The following RAB21 variants were observed in gnomAD, a reference collection of about 807,000 sequenced individuals.
RAB21 encodes the protein ras-related protein Rab-21.
Under a neutral mutation model 33.1 loss-of-function variants are expected in RAB21, and 13 were observed. The ratio of observed to expected loss-of-function variants is 0.39; its 90% CI spans 0.26 to 0.62. The LOEUF (loss-of-function observed/expected upper bound fraction) is 0.62. RAB21 is among the 20% of genes least tolerant of loss of function. The pLI, the probability that RAB21 is intolerant of heterozygous loss-of-function variation, is 0.48. For missense variants in RAB21, 234 were observed against 279.1 expected (o/e 0.84, Z 1.15); for synonymous variants, 91 against 103.7 (o/e 0.88, Z 0.74).
chr12:71,763,101 G>GCACACACACACACA lies in RAB21; in HGVS notation c.160-6684_160-6671dup, dbSNP rs66460518. Among the ~76,000 whole-genome samples the GCACACACACACACA allele has an allele frequency of 8.2e-5, 12 of 145,582 alleles. No individual in the cohort carries two copies. In the East Asian group the frequency reaches 1.8e-3, roughly 22 times the overall value. ...ACTAGCAAGAATATTTATTTTGCAC[G>GCACACACACACACA]CACACACACACACACACACACACAC... is the stretch of plus-strand genomic sequence containing the variant. On this transcript the variant is annotated intron_variant, in intron 1 of 6. Transcript: ENST00000261263.
At chr12:71,775,061 A>G (rs556890436) in intron 4 of RAB21, among the ~76,000 whole-genome samples, 1 of 152,330 alleles carries the variant, frequency 6.6e-6, no homozygotes, top group South Asian at 2.1e-4. Flanking sequence ...TCATGATCCC[A>G]GGGTGGAGGA....
intron 1 of RAB21, among the ~76,000 whole-genome samples, chr12:71,763,875 A>G (rs1017494636): frequency 6.6e-6 from 1 of 152,140 alleles, no homozygotes; most frequent in Non-Finnish European, 1.5e-5. Flanking sequence ...TGGAAAAACC[A>G]TTGTGGAGTC....
At chr12:71,774,070 A>G (rs1008964031) in intron 4 of RAB21, 48 bp downstream of exon 4, 2 of 1,305,712 alleles carry the variant, frequency 1.5e-6, no homozygotes, top group Non-Finnish European at 2.1e-6. Flanking sequence ...TGTTTCCTTA[A>G]TGTTTTATTG....
intron 2 of RAB21, 124 bp from the exon 3 acceptor site, chr12:71,770,468 T>C (rs3741689): frequency 0.11 from 78,788 of 688,930 alleles, 6,484 homozygotes; most frequent in East Asian, 0.35. Flanking sequence ...TTTCTGTTAA[T>C]AGGGTTTTGT....
intron 4 of RAB21, among the ~76,000 whole-genome samples, chr12:71,781,755 C>CA (rs1268268404): frequency 6.6e-6 from 1 of 151,974 alleles, no homozygotes; most frequent in Non-Finnish European, 1.5e-5. Flanking sequence ...CCCCCAAAAT[C>CA]AAAAAAGAGT....
chr12:71,757,823 T>A (rs1334679428), intron 1 of RAB21, among the ~76,000 whole-genome samples: 1 of 152,210 alleles, frequency 6.6e-6, no homozygotes, highest in African/African-American at 2.4e-5. Flanking sequence ...TACTTTGTAT[T>A]TTATAAAGTA....
In RAB21 at chr12:71,791,450, T is replaced by C. The variant is rs908197970; in HGVS notation, c.*5777T>C. ...TAGTGTATAAAATCTAGGAGTTAAC[T>C]TTAGCAGATTCTTTTATCAGAATAC... On this transcript the variant is annotated 3_prime_UTR_variant, in exon 7 of 7. Transcript: ENST00000261263. The C allele has an allele frequency of 6.6e-6, 1 of 152,178 alleles. No homozygotes were observed. Among genetic ancestry groups the C allele is most frequent in the African/African-American group, 2.4e-5 (1 of 41,450 alleles). The allele number at this position is 152,178 out of a possible 1,614,324, so 9.4% of individuals were successfully genotyped here.
intron 1 of RAB21, among the ~76,000 whole-genome samples, chr12:71,764,494 A>G (rs1882929701): frequency 6.6e-6 from 1 of 152,022 alleles, no homozygotes; most frequent in Non-Finnish European, 1.5e-5. Context: ...TTTTTGGGGT[A>G]TAGGTGTTTT....
At position 71,769,755 on chromosome 12, in the gene RAB21, C is replaced by T. The variant is rs202059405; in HGVS notation, c.160-45C>T. 2,831 of 1,049,354 alleles carry T rather than the reference C, an allele frequency of 2.7e-3. 6 individuals carry two copies. Among genetic ancestry groups the T allele is most frequent in the Non-Finnish European group, 3.4e-3 (2,560 of 743,612 alleles). The allele number at this position is 1,049,354 out of a possible 1,614,324, so 65.0% of individuals were successfully genotyped here. On this transcript the variant is annotated intron_variant, in intron 1 of 6. Coordinates refer to ENST00000261263, the MANE Select transcript of RAB21 (RefSeq NM_014999.4). ...ATCTATAGTTGTTAGGATAAAGAAC[C>T]TTATTTTATAAGAAACATTGTTTAA...
At chr12:71,775,756 C>G (rs1258470459) in intron 4 of RAB21, among the ~76,000 whole-genome samples, 2 of 152,240 alleles carry the variant, frequency 1.3e-5, no homozygotes, top group East Asian at 1.9e-4. Flanking sequence ...AGGCTGTTCT[C>G]AAACTCCTGA....
rs1375206884 is a variant in RAB21, at chr12:71,795,476, C to T, written c.*9803C>T. On this transcript the variant is annotated 3_prime_UTR_variant, in exon 7 of 7. Coordinates refer to ENST00000261263, the MANE Select transcript of RAB21 (RefSeq NM_014999.4). ...GGAAGACTATGACTGTTTCTATGAC[C>T]TCTAGTCACAAATTTAACTAATTTA... is the stretch of plus-strand genomic sequence containing the variant. The T allele has an allele frequency of 9.9e-6, 1 of 100,652 alleles. No individual in the cohort carries two copies. The highest frequency in any genetic ancestry group is 1.9e-5 in the Non-Finnish European group (1 of 53,112). The allele number at this position is 100,652 out of a possible 1,614,324, so 6.2% of individuals were successfully genotyped here. A position where few individuals can be genotyped will look rare whatever the true frequency, so the allele number is the denominator to read the frequency against.
chr12:71,782,786 A>G, intron 6 of RAB21, 128 bp downstream of exon 6: 1 of 617,580 alleles, frequency 1.6e-6, no homozygotes, highest in Non-Finnish European at 2.7e-6. Context: ...GACTATTGGT[A>G]GTATTTCTGA....
At chr12:71,768,442 C>A (rs1882992139) in intron 1 of RAB21, among the ~76,000 whole-genome samples, 1 of 152,144 alleles carries the variant, frequency 6.6e-6, no homozygotes, top group Admixed American at 6.5e-5. Context: ...ACTCAGCTCT[C>A]TATTCCTTTT....
At position 71,773,944 on chromosome 12, in the gene RAB21, C is replaced by T. The variant is rs755506571; in HGVS notation, c.328-15C>T. The T allele has an allele frequency of 1.9e-6, 3 of 1,563,472 alleles. No individual in the cohort carries two copies. The highest frequency in any genetic ancestry group is 2.6e-6 in the Non-Finnish European group (3 of 1,149,362). On this transcript the variant is annotated splice_polypyrimidine_tract_variant and intron_variant, in intron 3 of 6. Transcript: ENST00000261263. The stretch of plus-strand genomic sequence containing the variant: ...AACAGGATTTGTTTTAATATGTGCT[C>T]TTTTGTATATACAGGTAAAAAACTG...
At position 71,792,637 on chromosome 12, in the gene RAB21, T is replaced by C. The variant is rs968490487; in HGVS notation, c.*6964T>C. ...ATTGTTTCTGTATTTTAAAAAATTT[T>C]AAAACATTCAGCTTTTTATGACTTT... On this transcript the variant is annotated 3_prime_UTR_variant, in exon 7 of 7. Coordinates refer to ENST00000261263, the MANE Select transcript of RAB21 (RefSeq NM_014999.4). 5 of 152,222 alleles carry C rather than the reference T, an allele frequency of 3.3e-5. No homozygotes were observed. The highest frequency in any genetic ancestry group is 3.3e-4 in the Admixed American group (5 of 15,284). The allele number at this position is 152,222 out of a possible 1,614,324, so 9.4% of individuals were successfully genotyped here.
At chr12:71,771,652 G>A (rs1883043726) in intron 3 of RAB21, among the ~76,000 whole-genome samples, 6 of 152,108 alleles carry the variant, frequency 3.9e-5, no homozygotes, top group Admixed American at 3.9e-4. Flanking sequence ...CGTTTTGCAT[G>A]AAAAGACATA....
In RAB21 at chr12:71,797,759, A is replaced by G. The variant is rs1212013264; in HGVS notation, c.*12086A>G. 1 of 151,722 alleles carries G rather than the reference A, an allele frequency of 6.6e-6. No individual in the cohort carries two copies. The highest frequency in any genetic ancestry group is 1.5e-5 in the Non-Finnish European group (1 of 68,000). The allele number at this position is 151,722 out of a possible 1,614,324, so 9.4% of individuals were successfully genotyped here. ...GAACTGGCATATGACTAGACAGATC[A>G]TTCAAGCAGAAGGAAAATGAACCCA... is the stretch of plus-strand genomic sequence containing the variant. On this transcript the variant is annotated 3_prime_UTR_variant, in exon 7 of 7. Transcript: ENST00000261263.
intron 1 of RAB21, among the ~76,000 whole-genome samples, chr12:71,762,125 C>G (rs1486353758): frequency 6.6e-6 from 1 of 152,136 alleles, no homozygotes; most frequent in Non-Finnish European, 1.5e-5. Flanking sequence ...CCACAAATTT[C>G]TATATCTGAC....
chr12:71,767,821 G>A (rs577884238), intron 1 of RAB21, among the ~76,000 whole-genome samples: 1 of 152,144 alleles, frequency 6.6e-6, no homozygotes, highest in Non-Finnish European at 1.5e-5. Context: ...TGAAAAAGAG[G>A]CACTTAAATT....
Sources: allele counts gnomAD v4.1 joint callset (sites outside exome capture counted in the v4.1 genomes callset), GRCh38; gene constraint gnomAD v4.1.1; transcripts MANE v1.5; gene names NCBI Gene and HGNC (gene_info 2026-07-23, HGNC 2026-07-21).